Variants in NOS1 observed in about 807,000 individuals in gnomAD.
NOS1 encodes nitric oxide synthase 1.
In NOS1, 51 loss-of-function variants were observed where a neutral mutation model predicts 164.5. The observed-to-expected ratio is 0.31, with a 90% confidence interval of 0.25 to 0.39. The LOEUF (loss-of-function observed/expected upper bound fraction) is 0.39. Ranked by LOEUF, NOS1 falls within the 10% of genes least tolerant of loss-of-function variation. NOS1 has a pLI of 1.00. For missense variants in NOS1, 1,362 were observed against 1,885.6 expected (o/e 0.72, Z 5.14); for synonymous variants, 719 against 745.8 (o/e 0.96, Z 0.59).
intron 2 of NOS1, among the ~76,000 whole-genome samples, chr12:117,315,265 G>A (rs1380484457): frequency 6.6e-6 from 1 of 151,878 alleles, no homozygotes. Flanking sequence ...GTGCAGTGGC[G>A]TGATCTTGGC....
At chr12:117,277,730 T>A (rs1592980285) in intron 9 of NOS1, among the ~76,000 whole-genome samples, 1 of 151,798 alleles carries the variant, frequency 6.6e-6, no homozygotes, top group Admixed American at 6.6e-5. Context: ...GGCTTAGGAG[T>A]GAGATGATTC....
intron 3 of NOS1, among the ~76,000 whole-genome samples, chr12:117,309,853 C>T (rs887770535): frequency 1.3e-5 from 2 of 152,212 alleles, no homozygotes; most frequent in African/African-American, 4.8e-5. Flanking sequence ...ACAAAAATCA[C>T]AAATGTACGT....
chr12:117,248,329 A>G (rs1416916798), intron 17 of NOS1, among the ~76,000 whole-genome samples: 1 of 151,548 alleles, frequency 6.6e-6, no homozygotes, highest in East Asian at 1.9e-4. Context: ...TATATCTCCC[A>G]ATGCTATCCC....
At position 117,266,000 on chromosome 12, in the gene NOS1, C is replaced by T. The variant is rs868072659; in HGVS notation, c.1942-490G>A. Reference sequence around the variant, plus strand: ...TTTTTTAGTAGAGACGGGGTTTCACCGTGTTAGCCAGGATGGTCTCGATCT... The same window carrying T: ...TTTTTTAGTAGAGACGGGGTTTCACTGTGTTAGCCAGGATGGTCTCGATCT... On this transcript the variant is annotated intron_variant, in intron 11 of 28. Transcript: ENST00000317775. Among the ~76,000 whole-genome samples, 176 of 151,618 alleles carry T rather than the reference C, an allele frequency of 1.2e-3. 1 individual carries two copies. Among genetic ancestry groups the T allele is most frequent in the African/African-American group, 3.7e-3 (153 of 41,376 alleles).
At position 117,208,174 on chromosome 12, in the gene NOS1, G is replaced by T; in HGVS notation, c.*7135C>A. On this transcript the variant is annotated 3_prime_UTR_variant, in exon 29 of 29. Coordinates refer to ENST00000317775, the MANE Select transcript of NOS1 (RefSeq NM_000620.5). ...CACTTTTTAATATTGTAACCATAAT[G>T]CAAACAAGCATAATAGGCTTTTGTT... 2.3e-6 allele frequency: 2 copies of T among 877,742 alleles called. No homozygotes were observed. The highest frequency in any genetic ancestry group is 3.1e-6 in the Non-Finnish European group (2 of 650,220). The allele number at this position is 877,742 out of a possible 1,614,324, so 54.4% of individuals were successfully genotyped here.
intron 1 of NOS1, among the ~76,000 whole-genome samples, chr12:117,336,201 G>A (rs1168528247): frequency 6.6e-6 from 1 of 152,106 alleles, no homozygotes; most frequent in African/African-American, 2.4e-5. Context: ...ATATTTGATT[G>A]CCCCATTTTA....
At chr12:117,223,305 C>T (rs1219282315) in intron 25 of NOS1, among the ~76,000 whole-genome samples, 1 of 151,958 alleles carries the variant, frequency 6.6e-6, no homozygotes, top group Non-Finnish European at 1.5e-5. Flanking sequence ...CTCTGTCACC[C>T]AGGCTGGAGT....
At chr12:117,325,403 ATT>A (rs1380272214) in intron 2 of NOS1, among the ~76,000 whole-genome samples, 2 of 152,018 alleles carry the variant, frequency 1.3e-5, no homozygotes, top group Non-Finnish European at 2.9e-5. Flanking sequence ...CCATTTGGTA[ATT>A]TGTGGAGGTA....
intron 14 of NOS1, among the ~76,000 whole-genome samples, chr12:117,260,233 T>G (rs1292342280): frequency 6.6e-6 from 1 of 152,078 alleles, no homozygotes; most frequent in Non-Finnish European, 1.5e-5. Context: ...TTATAAACCC[T>G]CTAACATTTT....
rs1000481520 is a variant in NOS1 at position 117,243,844 on chromosome 12, C to T, written c.2824-409G>A. On this transcript the variant is annotated intron_variant, in intron 18 of 28. Transcript: ENST00000317775. This position sits in a 1 kb window ranked among gnomAD's most constrained non-coding sequence, Gnocchi z 4.3. ...CCCACTCATCCATCTTTCCATGCAT[C>T]CATCCTTCCATCCATCTACCCACCC... Among the ~76,000 whole-genome samples, 1 of 151,776 alleles carries T rather than the reference C, an allele frequency of 6.6e-6. No individual in the cohort carries two copies. Among genetic ancestry groups the T allele is most frequent in the African/African-American group, 2.4e-5 (1 of 41,330 alleles).
chr12:117,228,943 A>G (rs7303718), intron 22 of NOS1, among the ~76,000 whole-genome samples: 70,488 of 151,626 alleles, frequency 0.46, 19,054 homozygotes, highest in African/African-American at 0.73. Flanking sequence ...CACCACGCCC[A>G]GCTAATTGTT....
rs966746976 is a variant in NOS1, at chr12:117,227,599, T to A, written c.3448A>T (p.Thr1150Ser). ...AACTCCTCCAGCACCTCCACGATGGTGGGGTTCTTGCCCCATTTCCATTCC... is the reference window on the plus strand; with the variant it reads ...AACTCCTCCAGCACCTCCACGATGGAGGGGTTCTTGCCCCATTTCCATTCC... ...YEEWKWGKNP[T>S]IVEVLEEFPS... Residue 1150 changes from threonine (T) to serine (S), a missense_variant, in exon 23 of 29, where the codon ACC becomes TCC. Physicochemically the swap from Thr to Ser is moderately conservative, Grantham distance 58. Transcript: ENST00000317775. The A allele has an allele frequency of 6.2e-7, 1 of 1,613,930 alleles. No homozygotes were observed. The highest frequency in any genetic ancestry group is 1.3e-5 in the African/African-American group (1 of 74,906).
At chr12:117,265,536 C>T (rs180975741) in intron 11 of NOS1, 26 bp from the exon 12 acceptor site, 1 of 1,454,480 alleles carries the variant, frequency 6.9e-7, no homozygotes, top group East Asian at 2.6e-5. Flanking sequence ...GGACAGGGGT[C>T]AGGAGGTATG....
chr12:117,258,415 G>A lies in NOS1; in HGVS notation c.2513C>T (p.Ser838Phe). ...CALMEMRHPN[S>F]VQEERKSYKV... ...CACTTACTTCCTTTCTTCCTGCACA[G>A]AGTTGGGGTGCCTCATTTCCATCAA... The change falls in exon 16 of 29, where the codon TCT becomes TTT. Residue 838 changes from serine to phenylalanine, a missense_variant. Coordinates refer to ENST00000317775, the MANE Select transcript of NOS1 (RefSeq NM_000620.5). 6.2e-7 allele frequency: 1 copy of A among 1,614,200 alleles called. No individual in the cohort carries two copies. The highest frequency in any genetic ancestry group is 8.5e-7 in the Non-Finnish European group (1 of 1,180,042).
intron 12 of NOS1, among the ~76,000 whole-genome samples, chr12:117,264,718 CCT>C (rs1278485359): frequency 1.3e-5 from 2 of 148,408 alleles, no homozygotes; most frequent in Admixed American, 6.8e-5. Context: ...TCTCCCTTTC[CCT>C]CTCTCTCTTT....
chr12:117,288,192 T>C lies in NOS1; in HGVS notation c.1009A>G (p.Met337Val). The C allele has an allele frequency of 6.2e-7, 1 of 1,613,840 alleles. No homozygotes were observed. The highest frequency in any genetic ancestry group is 8.5e-7 in the Non-Finnish European group (1 of 1,180,008). The change falls in exon 5 of 29, where the codon ATG (methionine) becomes GTG (valine). Residue 337 changes from methionine (M) to valine (V), a missense_variant. Transcript: ENST00000317775. ...LETGCTEYICMGSIMHPSQHA... is the reference protein window; with the variant it reads ...LETGCTEYICVGSIMHPSQHA... ...TGAGAAGGATGCATGATGGAGCCCA[T>C]GCAGATGTACTCAGTGCATCCCGTT... is the stretch of plus-strand genomic sequence containing the variant.
intron 3 of NOS1, among the ~76,000 whole-genome samples, chr12:117,293,148 T>C (rs537078291): frequency 1.6e-4 from 25 of 152,168 alleles, no homozygotes; most frequent in Admixed American, 1.3e-4. Flanking sequence ...AAAGCATTCA[T>C]GGCGCCATGT....
At chr12:117,358,003 C>G (rs1238431544) in intron 1 of NOS1, among the ~76,000 whole-genome samples, 1 of 152,210 alleles carries the variant, frequency 6.6e-6, no homozygotes, top group Non-Finnish European at 1.5e-5. Flanking sequence ...AGCCCCAGTT[C>G]TCACGAGCAC....
chr12:117,247,167 A>C (rs1224613606), intron 18 of NOS1, among the ~76,000 whole-genome samples, 181 bp downstream of exon 18: 1 of 152,070 alleles, frequency 6.6e-6, no homozygotes, highest in African/African-American at 2.4e-5. Flanking sequence ...TCTGGGTAGA[A>C]AATATGTGTT....
Sources: allele counts gnomAD v4.1 joint callset (sites outside exome capture counted in the v4.1 genomes callset), GRCh38; gene constraint gnomAD v4.1.1; non-coding constraint Gnocchi (gnomAD v3.1); transcripts MANE v1.5; gene names NCBI Gene and HGNC (gene_info 2026-07-23, HGNC 2026-07-21).